CKAP2: variants seen among roughly 807,000 people sequenced by gnomAD.
CKAP2 encodes cytoskeleton-associated protein 2.
A neutral mutation model predicts 58.4 loss-of-function variants in CKAP2; 46 were observed. The observed-to-expected ratio is 0.79, with a 90% CI of 0.62 to 1.01. The LOEUF is 1.01. Ranked by LOEUF, CKAP2 falls within the 50% of genes least tolerant of loss-of-function variation. The pLI is 0.00. For synonymous variants in CKAP2, 293 were observed against 280.9 expected, an observed-to-expected ratio of 1.04 and a Z score of -0.43; for missense variants, 809 against 796.4, an observed-to-expected ratio of 1.02 and a Z score of -0.19.
chr13:52,471,162 G>T (rs559537699), intron 7 of CKAP2, among the ~76,000 whole-genome samples: 1 of 151,030 alleles, frequency 6.6e-6, no homozygotes, highest in Admixed American at 6.6e-5. Context: ...GTGTCAAAAA[G>T]AAAAATAAAA....
chr13:52,467,658 G>A (rs1166363840), intron 6 of CKAP2, among the ~76,000 whole-genome samples: 6 of 151,972 alleles, frequency 3.9e-5, no homozygotes, highest in East Asian at 3.9e-4. Flanking sequence ...ACAATGAGCC[G>A]AGATCGCACC....
At position 52,475,846 on chromosome 13, in the gene CKAP2, T is replaced by A. The variant is rs2137880355; in HGVS notation, c.*705T>A. On this transcript the variant is annotated 3_prime_UTR_variant, in exon 9 of 9. Coordinates refer to ENST00000258607, the MANE Select transcript of CKAP2 (RefSeq NM_018204.5). Reference sequence around the variant, plus strand: ...TACCGCATTTCTAAGAGAAGATACTTTGTGTAAGAAAAGATGCCACATTTA... The same window carrying A: ...TACCGCATTTCTAAGAGAAGATACTATGTGTAAGAAAAGATGCCACATTTA... The A allele has an allele frequency of 6.6e-6, 1 of 152,344 alleles. No individual in the cohort carries two copies. Among genetic ancestry groups the A allele is most frequent in the African/African-American group, 2.4e-5 (1 of 41,576 alleles). 9.4% of individuals were successfully genotyped at this position (152,344 alleles called of 1,614,324 possible).
chr13:52,475,426 A>G lies in CKAP2; in HGVS notation c.*285A>G. The G allele has an allele frequency of 6.3e-6, 2 of 315,790 alleles. No homozygotes were observed. Among genetic ancestry groups the G allele is most frequent in the Non-Finnish European group, 1.2e-5 (2 of 171,244 alleles). 19.6% of individuals were successfully genotyped at this position (315,790 alleles called of 1,614,324 possible). On this transcript the variant is annotated 3_prime_UTR_variant, in exon 9 of 9. Coordinates refer to ENST00000258607, the MANE Select transcript of CKAP2 (RefSeq NM_018204.5). ...GTTCCTTGAATATAAACAGGTTATA[A>G]TACTACCCTGTTCACTTTACTAAAT...
intron 6 of CKAP2, among the ~76,000 whole-genome samples, chr13:52,467,967 G>A (rs111344409): frequency 0.037 from 5,555 of 152,008 alleles, 116 homozygotes; most frequent in East Asian, 0.059. Flanking sequence ...CTGCCACCAC[G>A]CCCGGCTCAT....
intron 7 of CKAP2, among the ~76,000 whole-genome samples, chr13:52,472,151 T>C (rs974149852): frequency 6.6e-6 from 1 of 152,240 alleles, no homozygotes; most frequent in African/African-American, 2.4e-5. Flanking sequence ...TTCCCTGATA[T>C]ACCATCCCCT....
Position 52,455,612 on chromosome 13 carries a change from A to G in CKAP2, c.56A>G (p.Gln19Arg). 6.2e-7 allele frequency: 1 copy of G among 1,610,884 alleles called. No individual in the cohort carries two copies. The highest frequency in any genetic ancestry group is 8.5e-7 in the Non-Finnish European group (1 of 1,179,018). The change falls in exon 1 of 9, where the codon CAG becomes CGG. Residue 19 changes from glutamine (Q) to arginine (R), a missense_variant. Physicochemically the swap from Gln to Arg is conservative, Grantham distance 43. Around this residue, in one of 3 missense-constraint regions of CKAP2, gnomAD observed 523 missense variants for 492.4 expected, o/e 1.06. Coordinates refer to ENST00000258607, the MANE Select transcript of CKAP2 (RefSeq NM_018204.5). ...DLQLPPSQRA[Q>R]SAFKEQRRQK... ...CAGCTGCCCCCGAGTCAGAGGGCGC[A>G]GTCCGCATTCAAAGGTGAAGGCCGC...
chr13:52,458,598 C>T (rs1004747503), intron 2 of CKAP2, among the ~76,000 whole-genome samples: 1 of 152,178 alleles, frequency 6.6e-6, no homozygotes, highest in East Asian at 1.9e-4. Context: ...TGCAGTGGCT[C>T]ATGCCTGTAA....
At chr13:52,467,815 G>GT (rs1178927283) in intron 6 of CKAP2, among the ~76,000 whole-genome samples, 3,002 of 143,708 alleles carry the variant, frequency 0.021, 59 homozygotes, top group African/African-American at 0.051. Context: ...TTTTGTTTTT[G>GT]TTTTTTTTTT....
intron 7 of CKAP2, among the ~76,000 whole-genome samples, chr13:52,472,979 G>A (rs995719967): frequency 6.6e-6 from 1 of 151,910 alleles, no homozygotes; most frequent in Non-Finnish European, 1.5e-5. Context: ...GGAAGTTGAG[G>A]CTGCAGTGAG....
chr13:52,461,227 A>G lies in CKAP2; in HGVS notation c.401A>G (p.Asp134Gly). Residue 134 changes from aspartate (D) to glycine (G), a missense_variant, in exon 4 of 9, where the codon GAT (aspartate) becomes GGT (glycine). Asp to Gly is a moderately conservative substitution (Grantham distance 94). Transcript: ENST00000258607. ...ACTCCGCATTTGTTACTAACTGAAG[A>G]TGATCCCCAAAGTCAACATATGACA... ...NQTPHLLLTE[D>G]DPQSQHMTLS... 4 of 1,613,968 alleles carry G rather than the reference A, an allele frequency of 2.5e-6. No homozygotes were observed. The highest frequency in any genetic ancestry group is 2.2e-5 in the South Asian group (2 of 90,974).
rs767328676 is a variant in CKAP2, at chr13:52,455,596, C to T, written c.40C>T (p.Pro14Ser). Residue 14 changes from proline to serine, a missense_variant, in exon 1 of 9, where the codon CCG becomes TCG. Coordinates refer to ENST00000258607, the MANE Select transcript of CKAP2 (RefSeq NM_018204.5). ...PAVPQDLQLP[P>S]SQRAQSAFKE... ...CGTGCCCCAGGACCTGCAGCTGCCC[C>T]CGAGTCAGAGGGCGCAGTCCGCATT... The T allele has an allele frequency of 3.1e-6, 5 of 1,611,990 alleles. No individual in the cohort carries two copies. Among genetic ancestry groups the T allele is most frequent in the Non-Finnish European group, 4.2e-6 (5 of 1,179,464 alleles).
At chr13:52,457,930 A>G (rs115065309) in intron 2 of CKAP2, among the ~76,000 whole-genome samples, 2,485 of 152,312 alleles carry the variant, frequency 0.016, 70 homozygotes, top group African/African-American at 0.056. Context: ...TGGAAATGAT[A>G]ACGCAAATGG....
chr13:52,462,496 G>A lies in CKAP2; in HGVS notation c.1234G>A (p.Glu412Lys), dbSNP rs750175699. 2 of 1,614,066 alleles carry A rather than the reference G, an allele frequency of 1.2e-6. No individual in the cohort carries two copies. Among genetic ancestry groups the A allele is most frequent in the South Asian group, 1.1e-5 (1 of 91,064 alleles). ...VGSFWTTMAEEDEQRLFTEKV... is the reference protein window; with the variant it reads ...VGSFWTTMAEKDEQRLFTEKV... Reference sequence around the variant, plus strand: ...GTCTTTTTGGACTACCATGGCAGAAGAAGATGAACAAAGATTATTTACTGA... The same window carrying A: ...GTCTTTTTGGACTACCATGGCAGAAAAAGATGAACAAAGATTATTTACTGA... Residue 412 changes from glutamate to lysine, a missense_variant, in exon 5 of 9, where the codon GAA (glutamate) becomes AAA (lysine). Glu to Lys is a moderately conservative substitution (Grantham distance 56, BLOSUM62 1). Around this residue, in one of 3 missense-constraint regions of CKAP2, gnomAD observed 523 missense variants for 492.4 expected, o/e 1.06. Coordinates refer to ENST00000258607, the MANE Select transcript of CKAP2 (RefSeq NM_018204.5).
intron 8 of CKAP2, among the ~76,000 whole-genome samples, chr13:52,474,666 T>C (rs1437480664): frequency 6.6e-6 from 1 of 152,254 alleles, no homozygotes; most frequent in Non-Finnish European, 1.5e-5. Context: ...TTTCAGGAAT[T>C]AGCCAGTTCT....
At chr13:52,473,047 T>TAA (rs201486101) in intron 7 of CKAP2, among the ~76,000 whole-genome samples, 2 of 137,990 alleles carry the variant, frequency 1.4e-5, no homozygotes, top group Non-Finnish European at 3.2e-5. Flanking sequence ...ACCCTGTCTC[T>TAA]AAAAAAAAAA....
intron 2 of CKAP2, among the ~76,000 whole-genome samples, chr13:52,457,293 T>C (rs1010188506): frequency 8.5e-5 from 13 of 152,226 alleles, no homozygotes; most frequent in African/African-American, 2.9e-4. Context: ...ACTTACTGTT[T>C]ACACCACACA....
At chr13:52,472,652 A>C (rs1958775885) in intron 7 of CKAP2, among the ~76,000 whole-genome samples, 1 of 152,012 alleles carries the variant, frequency 6.6e-6, no homozygotes, top group Admixed American at 6.5e-5. Context: ...GAAAAGAAAA[A>C]ACTCTTCTCT....
rs914170424 is a variant in CKAP2 at position 52,468,300 on chromosome 13, C to T, written c.1499C>T (p.Thr500Met). Residue 500 changes from threonine (T) to methionine (M), a missense_variant, in exon 7 of 9, where the codon ACG (threonine) becomes ATG (methionine). By Grantham distance (81) the Thr-to-Met change is moderately conservative (BLOSUM62 -1). This residue lies in a region of CKAP2 where 283 missense variants were observed against 287.6 expected (regional missense o/e 0.98). Transcript: ENST00000258607. ...AAGCCTATTGAAGAGATGCGACACA[C>T]GATTGTAGATATTCTAACAATGAAG... ...GAQPIEEMRH[T>M]IVDILTMKSQ... 28 of 1,598,202 alleles carry T rather than the reference C, an allele frequency of 1.8e-5. No individual in the cohort carries two copies. The highest frequency in any genetic ancestry group is 1.1e-4 in the African/African-American group (8 of 74,118).
In CKAP2 at chr13:52,461,743, G is replaced by T; in HGVS notation, c.917G>T (p.Gly306Val). Residue 306 changes from glycine to valine, a missense_variant, in exon 4 of 9, where the codon GGT (glycine) becomes GTT (valine). Gly to Val is a moderately radical substitution (Grantham distance 109). This residue lies in a region of CKAP2 where 523 missense variants were observed against 492.4 expected (regional missense o/e 1.06). Transcript: ENST00000258607. ...AGTGTCAAAACCAGTTCTTCTCAAG[G>T]TATAATAAGAAATAAGACTCTATCA... The part of the protein sequence containing the change: ...LSSVKTSSSQ[G>V]IIRNKTLSRS... The T allele has an allele frequency of 1.2e-6, 2 of 1,613,638 alleles. No homozygotes were observed. Among genetic ancestry groups the T allele is most frequent in the South Asian group, 2.2e-5 (2 of 91,036 alleles).
Sources: gnomAD v4.1 joint callset for allele counts (sites outside exome capture counted in the v4.1 genomes callset) on GRCh38, gnomAD v4.1.1 for gene constraint, gnomAD v4.1.1 regional missense constraint, MANE v1.5 for transcripts, NCBI Gene and HGNC (gene_info 2026-07-23, HGNC 2026-07-21) for gene names.